DKK3: variants seen among roughly 807,000 people sequenced by gnomAD.
The protein encoded by DKK3 is dickkopf Wnt signaling pathway inhibitor 3, also known as dickkopf-related protein 3.
DKK3 carries 22 observed loss-of-function variants against 33.2 expected under a neutral mutation model. That is an observed-to-expected ratio of 0.66 (90% CI 0.47 to 0.95). DKK3 has a LOEUF of 0.95. DKK3 is among the 40% of genes least tolerant of loss of function. The pLI is 0.00. For synonymous variants in DKK3, 194 were observed against 188.8 expected (o/e 1.03, Z -0.23); for missense variants, 398 against 458.4 (o/e 0.87, Z 1.20).
chr11:11,965,081 C>T (rs541183538), intron 6 of DKK3, among the ~76,000 whole-genome samples: 29 of 152,268 alleles, frequency 1.9e-4, no homozygotes, highest in African/African-American at 7.0e-4. Flanking sequence ...GAGCCATGGA[C>T]CTCTGTGGGA....
intron 3 of DKK3, among the ~76,000 whole-genome samples, chr11:11,992,101 T>G (rs1437602293): frequency 6.6e-6 from 1 of 152,262 alleles, no homozygotes; most frequent in Non-Finnish European, 1.5e-5. Flanking sequence ...GAATTAATAC[T>G]GATAATTTTG....
In DKK3 at chr11:11,995,873, C is replaced by T. The variant is rs569155229; in HGVS notation, c.435+2823G>A. The stretch of plus-strand genomic sequence containing the variant: ...TAACATGCTGCGGTGTCCTTTTCCC[C>T]TTTCACATTTGAGTGTAAAAACAGA... On this transcript the variant is annotated intron_variant, in intron 3 of 6. Coordinates refer to ENST00000683431, the MANE Select transcript of DKK3 (RefSeq NM_001018057.2). Among the ~76,000 whole-genome samples, 248 of 152,354 alleles carry T rather than the reference C, an allele frequency of 1.6e-3. 1 individual carries two copies. The highest frequency in any genetic ancestry group is 5.8e-3 in the African/African-American group (241 of 41,584).
chr11:11,978,813 G>A (rs1847894575), intron 3 of DKK3: 2 of 152,208 alleles, frequency 1.3e-5, no homozygotes, highest in African/African-American at 4.8e-5. Context: ...TGCATCCTAA[G>A]CATTAACTCA....
chr11:11,996,864 T>C (rs1234129188), intron 3 of DKK3, among the ~76,000 whole-genome samples: 1 of 152,194 alleles, frequency 6.6e-6, no homozygotes, highest in South Asian at 2.1e-4. Context: ...TGGGCAGGTG[T>C]GGAGATTCTG....
At chr11:11,992,683 G>C (rs1848211686) in intron 3 of DKK3, among the ~76,000 whole-genome samples, 1 of 152,116 alleles carries the variant, frequency 6.6e-6, no homozygotes, top group Non-Finnish European at 1.5e-5. Flanking sequence ...AGATAAATTT[G>C]CAGACTCTAC....
intron 3 of DKK3, among the ~76,000 whole-genome samples, chr11:11,987,102 A>G (rs1029235840): frequency 2.6e-5 from 4 of 152,228 alleles, no homozygotes; most frequent in Non-Finnish European, 4.4e-5. Flanking sequence ...GCACAGACAC[A>G]GGGATACGGA....
chr11:12,007,654 CAT>C (rs1220990665), intron 1 of DKK3, among the ~76,000 whole-genome samples: 1 of 152,190 alleles, frequency 6.6e-6, no homozygotes, highest in Non-Finnish European at 1.5e-5. Flanking sequence ...GGTGCCCACA[CAT>C]ATGACATTTA....
intron 1 of DKK3, 109 bp from the exon 2 acceptor site, chr11:12,002,546 G>A (rs992579224): frequency 5.9e-6 from 7 of 1,189,608 alleles, no homozygotes; most frequent in Admixed American, 2.2e-5. Context: ...AAAGAATGAT[G>A]ATGATGATAG....
chr11:11,982,634 G>A (rs1398783098), intron 3 of DKK3, among the ~76,000 whole-genome samples: 4 of 152,132 alleles, frequency 2.6e-5, no homozygotes, highest in Admixed American at 6.5e-5. Context: ...GGGTAGCAGC[G>A]CCCGGCCGTG....
intron 1 of DKK3, among the ~76,000 whole-genome samples, chr11:12,006,247 G>T (rs1848533762): frequency 6.6e-6 from 1 of 152,194 alleles, no homozygotes. Flanking sequence ...TGTCATGATA[G>T]TTTCACAATC....
intron 3 of DKK3, among the ~76,000 whole-genome samples, chr11:11,984,288 T>C (rs951688537): frequency 1.3e-5 from 2 of 152,234 alleles, no homozygotes; most frequent in Non-Finnish European, 2.9e-5. Flanking sequence ...TATGGGCTTC[T>C]TATGAACACA....
rs11297335 is a variant in DKK3, at chr11:11,984,655, TAAAAAAAA to T, written c.435+14033_435+14040del. 5.0e-5 allele frequency among the ~76,000 whole-genome samples: 7 copies of T among 139,116 alleles called. No homozygotes were observed. In the South Asian group the frequency reaches 1.6e-3, roughly 32 times the overall value. 91.3% of individuals were successfully genotyped at this position (139,116 alleles called of 152,430 possible). On this transcript the variant is annotated intron_variant, in intron 3 of 6. Transcript: ENST00000683431. ...TTCAAAGAATTTGCTCAATTTCCTT[TAAAAAAAA>T]AAAAAAAAAGAAAAAGTGAAGAAAA...
At chr11:11,974,149 C>T (rs1847783069) in intron 3 of DKK3, among the ~76,000 whole-genome samples, 1 of 152,242 alleles carries the variant, frequency 6.6e-6, no homozygotes, top group South Asian at 2.1e-4. Flanking sequence ...GGGTCAACTG[C>T]ATGCAGAATG....
chr11:11,979,311 A>G (rs1847906395), intron 3 of DKK3, among the ~76,000 whole-genome samples: 1 of 152,210 alleles, frequency 6.6e-6, no homozygotes, highest in Non-Finnish European at 1.5e-5. Flanking sequence ...AGCTGCTCCA[A>G]ACTCCAGGCT....
chr11:12,007,617 T>A (rs1848564194), intron 1 of DKK3, among the ~76,000 whole-genome samples: 1 of 152,236 alleles, frequency 6.6e-6, no homozygotes, highest in Non-Finnish European at 1.5e-5. Flanking sequence ...TAATAGTTGC[T>A]AAATACTGCG....
intron 3 of DKK3, among the ~76,000 whole-genome samples, chr11:11,984,906 A>C (rs1355204214): frequency 6.6e-6 from 1 of 152,210 alleles, no homozygotes; most frequent in Non-Finnish European, 1.5e-5. Flanking sequence ...GTTCTTCCAC[A>C]GTGAGGACGG....
At chr11:11,997,517 T>G (rs905471959) in intron 3 of DKK3, among the ~76,000 whole-genome samples, 2 of 152,208 alleles carry the variant, frequency 1.3e-5, no homozygotes, top group African/African-American at 4.8e-5. Flanking sequence ...GAGGCTTCTG[T>G]GCTGCCAGGG....
At chr11:11,969,169 A>T (rs1285329930) in intron 3 of DKK3, among the ~76,000 whole-genome samples, 3 of 152,202 alleles carry the variant, frequency 2.0e-5, no homozygotes, top group African/African-American at 7.2e-5. Context: ...CCAAGGCCTG[A>T]GTCACAGAAC....
chr11:11,998,835 A>G, intron 2 of DKK3, 56 bp from the exon 3 acceptor site: 2 of 1,509,536 alleles, frequency 1.3e-6, no homozygotes, highest in Non-Finnish European at 1.8e-6. Context: ...GACAAATTCC[A>G]CAAGTTGTTT....
Sources: gnomAD v4.1 joint callset for allele counts (sites outside exome capture counted in the v4.1 genomes callset) on GRCh38, gnomAD v4.1.1 for gene constraint, MANE v1.5 for transcripts, NCBI Gene and HGNC (gene_info 2026-07-23, HGNC 2026-07-21) for gene names.